ORC2: variants seen among roughly 807,000 people sequenced by gnomAD.
The protein encoded by ORC2 is origin recognition complex subunit 2, also known as origin recognition complex protein 2 homolog.
ORC2 carries 37 observed loss-of-function variants against 77.7 expected under a neutral mutation model. The ratio of observed to expected loss-of-function variants is 0.48; its 90% CI spans 0.37 to 0.63. The LOEUF (loss-of-function observed/expected upper bound fraction) is 0.63. ORC2 is among the 20% of genes least tolerant of loss of function. The pLI, the probability that ORC2 is intolerant of heterozygous loss-of-function variation, is 0.00. For synonymous variants in ORC2, 201 were observed against 229.5 expected (o/e 0.88, Z 1.12); for missense variants, 557 against 661.9 (o/e 0.84, Z 1.74).
chr2:200,913,099 T>A (rs1243819443), intron 17 of ORC2, among the ~76,000 whole-genome samples, 196 bp downstream of exon 17: 1 of 152,252 alleles, frequency 6.6e-6, no homozygotes, highest in Non-Finnish European at 1.5e-5. Flanking sequence ...ATGTGAGTTT[T>A]CTGCTCTGCT....
intron 10 of ORC2, among the ~76,000 whole-genome samples, chr2:200,933,304 G>T (rs2040975879): frequency 6.6e-6 from 1 of 150,968 alleles, no homozygotes; most frequent in Non-Finnish European, 1.5e-5. Flanking sequence ...ACCACACTGG[G>T]CAGGTTTTCC....
intron 17 of ORC2, 142 bp downstream of exon 17, chr2:200,913,153 A>G (rs2124924112): frequency 1.9e-6 from 1 of 531,362 alleles, no homozygotes; most frequent in Middle Eastern, 7.0e-4. Flanking sequence ...ACAAACTCAA[A>G]TGGCACATCC....
chr2:200,961,125 C>G (rs1260780188), intron 1 of ORC2, among the ~76,000 whole-genome samples: 1 of 151,996 alleles, frequency 6.6e-6, no homozygotes, highest in Non-Finnish European at 1.5e-5. Context: ...CTCCTGCCAT[C>G]AAATAAAAAT....
In ORC2 at chr2:200,921,024, T is replaced by C. The variant is rs749550560; in HGVS notation, c.1263A>G (p.Ile421Met). 3 of 1,603,444 alleles carry C rather than the reference T, an allele frequency of 1.9e-6. No individual in the cohort carries two copies. Among genetic ancestry groups the C allele is most frequent in the Non-Finnish European group, 2.6e-6 (3 of 1,174,226 alleles). ...QLSSLHNIYL[I>M]ASIDHLNAPL... The stretch of plus-strand genomic sequence containing the variant: ...GAGCATTGAGGTGGTCAATGGATGC[T>C]ATAAGGTAAATGTTATGCAAAGATG... Residue 421 changes from isoleucine to methionine, a missense_variant, in exon 14 of 18, where the codon ATA (isoleucine) becomes ATG (methionine). Transcript: ENST00000234296.
At chr2:200,932,188 T>C (rs1307599335) in intron 10 of ORC2, among the ~76,000 whole-genome samples, 2 of 152,110 alleles carry the variant, frequency 1.3e-5, no homozygotes, top group African/African-American at 4.8e-5. Context: ...AAAACAACTC[T>C]TATCTCTTCT....
chr2:200,914,795 G>A (rs2040612202), intron 15 of ORC2, among the ~76,000 whole-genome samples: 1 of 151,774 alleles, frequency 6.6e-6, no homozygotes, highest in Admixed American at 6.6e-5. Flanking sequence ...GGTTAGTGTT[G>A]GTAGAAAAGC....
At chr2:200,960,099 T>C (rs920522616) in intron 1 of ORC2, among the ~76,000 whole-genome samples, 3 of 151,926 alleles carry the variant, frequency 2.0e-5, no homozygotes, top group African/African-American at 4.8e-5. Context: ...CACCTCAGCC[T>C]CCCATACAGC....
chr2:200,925,168 C>A (rs914247483), intron 13 of ORC2, among the ~76,000 whole-genome samples: 1 of 152,080 alleles, frequency 6.6e-6, no homozygotes, highest in Non-Finnish European at 1.5e-5. Context: ...GAAAATTATT[C>A]TGAAATAAAT....
intron 13 of ORC2, among the ~76,000 whole-genome samples, chr2:200,924,537 A>T (rs1035220871): frequency 2.6e-5 from 4 of 152,170 alleles, no homozygotes; most frequent in African/African-American, 9.7e-5. Context: ...ATTATCAAAA[A>T]AATTATCCAT....
intron 11 of ORC2, among the ~76,000 whole-genome samples, 155 bp downstream of exon 11, chr2:200,931,184 T>C (rs1394929466): frequency 6.6e-6 from 1 of 152,182 alleles, no homozygotes; most frequent in Non-Finnish European, 1.5e-5. Context: ...GACATTTCTA[T>C]ATCTGAGTCA....
intron 9 of ORC2, among the ~76,000 whole-genome samples, chr2:200,935,371 C>A (rs1032532685): frequency 3.3e-5 from 5 of 152,348 alleles, no homozygotes; most frequent in African/African-American, 9.6e-5. Flanking sequence ...GATCCACCCG[C>A]CTTGGCCTCC....
In ORC2 at chr2:200,913,416, G is replaced by A. The variant is rs1162918254; in HGVS notation, c.1529-3C>T. 6.3e-7 allele frequency: 1 copy of A among 1,581,598 alleles called. No homozygotes were observed. Among genetic ancestry groups the A allele is most frequent in the East Asian group, 2.4e-5 (1 of 41,346 alleles). On this transcript the variant is annotated splice_region_variant and splice_polypyrimidine_tract_variant and intron_variant, in intron 16 of 17. Transcript: ENST00000234296. Reference sequence around the variant, plus strand: ...GTAAAAATCTTGAAAAGAAAGGCCTGGCAAGTTCAAAAGGATATGAACATA... The same window carrying A: ...GTAAAAATCTTGAAAAGAAAGGCCTAGCAAGTTCAAAAGGATATGAACATA...
chr2:200,914,635 C>T (rs1216851435), intron 15 of ORC2, among the ~76,000 whole-genome samples: 1 of 152,032 alleles, frequency 6.6e-6, no homozygotes, highest in Admixed American at 6.6e-5. Context: ...AAAAATTAGC[C>T]AGGCATACTG....
chr2:200,960,883 C>T (rs2041558217), intron 1 of ORC2, among the ~76,000 whole-genome samples: 1 of 150,884 alleles, frequency 6.6e-6, no homozygotes, highest in Non-Finnish European at 1.5e-5. Context: ...TTCAAGAGAT[C>T]CTCCTGCCTC....
intron 2 of ORC2, among the ~76,000 whole-genome samples, chr2:200,958,372 A>C (rs1157148879): frequency 6.6e-6 from 1 of 152,222 alleles, no homozygotes; most frequent in Non-Finnish European, 1.5e-5. Context: ...AATCCAATCA[A>C]GGTAGCTAAA....
chr2:200,955,712 G>C (rs997386012), intron 4 of ORC2, among the ~76,000 whole-genome samples: 3 of 152,180 alleles, frequency 2.0e-5, no homozygotes, highest in African/African-American at 7.2e-5. Flanking sequence ...ACTCATGAAA[G>C]CACAGTTCCT....
chr2:200,944,746 C>T (rs558917872), intron 5 of ORC2, among the ~76,000 whole-genome samples: 100 of 152,200 alleles, frequency 6.6e-4, no homozygotes, highest in African/African-American at 2.3e-3. Context: ...TCCTATGTTG[C>T]TCAGGCTGGT....
Position 200,911,306 on chromosome 2 carries a change from C to T in ORC2, c.1729G>A (p.Ala577Thr), listed in dbSNP as rs781378836. Residue 577 changes from alanine to threonine, a missense_variant, in exon 18 of 18, where the codon GCT becomes ACT. Physicochemically the swap from Ala to Thr is moderately conservative, Grantham distance 58. Coordinates refer to ENST00000234296, the MANE Select transcript of ORC2 (RefSeq NM_006190.5). ...TTCAAGAATAAAGGAAAGCTTCAAG[C>T]CTCCTCTTCTTCCTTTTCCAAGAAA... ...TDFLEKEEEE[A>T] 5.6e-6 allele frequency: 9 copies of T among 1,596,008 alleles called. No individual in the cohort carries two copies. Among genetic ancestry groups the T allele is most frequent in the Non-Finnish European group, 7.7e-6 (9 of 1,163,788 alleles).
At chr2:200,938,392 C>T (rs1043125112) in intron 7 of ORC2, among the ~76,000 whole-genome samples, 4 of 152,276 alleles carry the variant, frequency 2.6e-5, no homozygotes, top group Non-Finnish European at 2.9e-5. Context: ...AGGGAACGGG[C>T]ACCCCTATGT....
Sources: gnomAD v4.1 joint callset for allele counts (sites outside exome capture counted in the v4.1 genomes callset) on GRCh38, gnomAD v4.1.1 for gene constraint, MANE v1.5 for transcripts, NCBI Gene and HGNC (gene_info 2026-07-23, HGNC 2026-07-21) for gene names.